UBE2W: variants seen among roughly 807,000 people sequenced by gnomAD.
UBE2W encodes the protein ubiquitin conjugating enzyme E2 W.
Under a neutral mutation model 27.2 loss-of-function variants are expected in UBE2W, and 18 were observed. The ratio of observed to expected loss-of-function variants is 0.66; its 90% CI spans 0.46 to 0.98. The LOEUF (loss-of-function observed/expected upper bound fraction) is 0.98, where lower values mean the gene tolerates loss of function less well. Among genes scored for constraint, UBE2W ranks in the 50% least tolerant of loss-of-function variants. The pLI is 0.00. For missense variants in UBE2W, 90 were observed against 180.2 expected (o/e 0.50, Z 2.87); for synonymous variants, 53 against 57.2 (o/e 0.93, Z 0.33).
intron 5 of UBE2W, among the ~76,000 whole-genome samples, chr8:73,799,417 G>A (rs538096077): frequency 2.6e-5 from 4 of 152,278 alleles, no homozygotes; most frequent in African/African-American, 9.6e-5. Flanking sequence ...GAGCTATGGA[G>A]CCCTTGTGTC....
Position 73,874,197 on chromosome 8 carries a change from C to G in UBE2W, c.15+4611G>C, listed in dbSNP as rs188324395. Among the ~76,000 whole-genome samples the G allele has an allele frequency of 4.0e-3, 605 of 151,846 alleles. 7 individuals carry two copies. Among genetic ancestry groups the G allele is most frequent in the African/African-American group, 0.014 (580 of 41,458 alleles). ...CTGTAATCCCAGCACTTTGGGAGGC[C>G]GAGGCGGGCGGATCACGAGGTCAGG... On this transcript the variant is annotated intron_variant, in intron 1 of 5. Coordinates refer to ENST00000602593, the MANE Select transcript of UBE2W (RefSeq NM_018299.6).
In UBE2W at chr8:73,791,744, T is replaced by C. The variant is rs1586434596; in HGVS notation, c.*2358A>G. On this transcript the variant is annotated 3_prime_UTR_variant, in exon 6 of 6. Transcript: ENST00000602593. ...GATTATGAATTTTAAATGTCTGTGC[T>C]CCTATATTTTAGGATATTTCATCTT... is the stretch of plus-strand genomic sequence containing the variant. The C allele has an allele frequency of 1.0e-6, 1 of 982,500 alleles. No homozygotes were observed. The highest frequency in any genetic ancestry group is 1.2e-6 in the Non-Finnish European group (1 of 828,340). The allele number at this position is 982,500 out of a possible 1,614,324, so 60.9% of individuals were successfully genotyped here. A position where few individuals can be genotyped will look rare whatever the true frequency, so the allele number is the denominator to read the frequency against.
chr8:73,876,745 G>A (rs1313812919), intron 1 of UBE2W, among the ~76,000 whole-genome samples: 1 of 152,130 alleles, frequency 6.6e-6, no homozygotes, highest in African/African-American at 2.4e-5. Flanking sequence ...AAGGCAGGCG[G>A]ATCACCTGAG....
chr8:73,872,837 T>C (rs907770339), intron 1 of UBE2W, among the ~76,000 whole-genome samples: 1 of 152,166 alleles, frequency 6.6e-6, no homozygotes, highest in Non-Finnish European at 1.5e-5. Context: ...TGTGTATACT[T>C]GTGTACTGAG....
chr8:73,824,269 C>A (rs1311857298), intron 3 of UBE2W, among the ~76,000 whole-genome samples: 1 of 152,218 alleles, frequency 6.6e-6, no homozygotes, highest in East Asian at 1.9e-4. Context: ...AAAAACATTT[C>A]TCTACCACCA....
chr8:73,854,908 T>C (rs1477548467), intron 1 of UBE2W, among the ~76,000 whole-genome samples: 1 of 152,156 alleles, frequency 6.6e-6, no homozygotes, highest in Non-Finnish European at 1.5e-5. Flanking sequence ...CTAGAGAAAA[T>C]AAAATGTTAA....
intron 5 of UBE2W, among the ~76,000 whole-genome samples, chr8:73,794,871 A>G (rs1352193857): frequency 7.2e-6 from 1 of 138,218 alleles, no homozygotes; most frequent in East Asian, 2.1e-4. Context: ...AAAAAAAAAG[A>G]AAAAAAAAAA....
intron 1 of UBE2W, among the ~76,000 whole-genome samples, chr8:73,845,246 C>T (rs1358364145): frequency 2.6e-5 from 4 of 152,196 alleles, no homozygotes; most frequent in Admixed American, 6.5e-5. Context: ...GCCATGATGA[C>T]GATGGCGGTT....
At chr8:73,876,125 T>G (rs539744185) in intron 1 of UBE2W, among the ~76,000 whole-genome samples, 10 of 152,040 alleles carry the variant, frequency 6.6e-5, no homozygotes, top group African/African-American at 2.4e-4. Flanking sequence ...ATGAGACTAT[T>G]TATTATTAAA....
chr8:73,865,719 T>TAA (rs1811724462), intron 1 of UBE2W, among the ~76,000 whole-genome samples: 27 of 152,148 alleles, frequency 1.8e-4, no homozygotes, highest in Admixed American at 1.7e-3. Context: ...TCTCTATATA[T>TAA]TTTTAAAACC....
chr8:73,858,816 C>T (rs1002909914), intron 1 of UBE2W, among the ~76,000 whole-genome samples: 8 of 151,856 alleles, frequency 5.3e-5, no homozygotes, highest in Admixed American at 1.3e-4. Context: ...ATTTTCATCA[C>T]GAACTTGCAA....
chr8:73,819,044 G>A (rs773765549), intron 3 of UBE2W, among the ~76,000 whole-genome samples: 9 of 152,084 alleles, frequency 5.9e-5, no homozygotes, highest in Non-Finnish European at 1.3e-4. Context: ...CCAGGGACCC[G>A]TCCTACATAT....
intron 1 of UBE2W, among the ~76,000 whole-genome samples, chr8:73,876,932 A>G (rs1812255413): frequency 6.6e-6 from 1 of 152,082 alleles, no homozygotes; most frequent in Non-Finnish European, 1.5e-5. Flanking sequence ...GCCCCATTGC[A>G]CTCCAGCCTG....
chr8:73,825,007 A>G, intron 3 of UBE2W, 140 bp downstream of exon 3: 1 of 590,762 alleles, frequency 1.7e-6, no homozygotes, highest in South Asian at 2.4e-5. Flanking sequence ...TCATATCTTG[A>G]TTATATGACA....
chr8:73,867,940 G>C (rs1389625122), intron 1 of UBE2W, among the ~76,000 whole-genome samples: 1 of 152,180 alleles, frequency 6.6e-6, no homozygotes. Flanking sequence ...GTGCTCACAG[G>C]AATGCATAAT....
intron 1 of UBE2W, among the ~76,000 whole-genome samples, chr8:73,873,169 A>G (rs1280283107): frequency 6.6e-6 from 1 of 152,134 alleles, no homozygotes; most frequent in East Asian, 1.9e-4. Flanking sequence ...TCAGCCTCCC[A>G]AAGTGCTGGG....
intron 1 of UBE2W, among the ~76,000 whole-genome samples, chr8:73,846,665 A>T (rs929949609): frequency 6.6e-6 from 1 of 151,924 alleles, no homozygotes; most frequent in African/African-American, 2.4e-5. Flanking sequence ...TTTGGATGGG[A>T]TAAGAATATG....
intron 1 of UBE2W, among the ~76,000 whole-genome samples, chr8:73,850,264 G>A (rs61234853): frequency 4.6e-5 from 7 of 152,168 alleles, no homozygotes; most frequent in African/African-American, 1.4e-4. Context: ...GGGAGAATGT[G>A]GTATACCTGG....
At chr8:73,812,661 A>G (rs1043431739) in intron 3 of UBE2W, among the ~76,000 whole-genome samples, 2 of 152,168 alleles carry the variant, frequency 1.3e-5, no homozygotes, top group Non-Finnish European at 2.9e-5. Flanking sequence ...GGATATTTTC[A>G]TTAAAACACA....
Sources: allele counts gnomAD v4.1 joint callset (sites outside exome capture counted in the v4.1 genomes callset), GRCh38; gene constraint gnomAD v4.1.1; transcripts MANE v1.5; gene names NCBI Gene and HGNC (gene_info 2026-07-23, HGNC 2026-07-21).